NHLH2: variants seen among roughly 807,000 people sequenced by gnomAD.
NHLH2 encodes nescient helix-loop-helix 2, also known as helix-loop-helix protein 2.
NHLH2 carries 7 observed loss-of-function variants against 7.3 expected under a neutral mutation model. The ratio of observed to expected loss-of-function variants is 0.96; its 90% CI spans 0.55 to 1.81. The LOEUF (loss-of-function observed/expected upper bound fraction) is 1.81, where lower values mean the gene tolerates loss of function less well. NHLH2 is among the 40% of genes most tolerant of loss of function. The probability of loss-of-function intolerance (pLI) is 0.00; values close to 1 mark genes in which losing one functional copy is unlikely to be tolerated. For missense variants in NHLH2, 155 were observed against 194.0 expected (o/e 0.80, Z 1.19); for synonymous variants, 93 against 91.6 (o/e 1.01, Z -0.09).
At chr1:115,840,051 T>C (rs947388315) in intron 2 of NHLH2, 165 bp downstream of exon 2, 1 of 166,998 alleles carries the variant, frequency 6.0e-6, no homozygotes, top group African/African-American at 2.4e-5. Flanking sequence ...AGTTCCTGGG[T>C]TGCCCTCAAA....
chr1:115,834,087 A>T (rs1650812375), downstream of NHLH2, among the ~76,000 whole-genome samples: 1 of 151,800 alleles, frequency 6.6e-6, no homozygotes, highest in African/African-American at 2.4e-5. Context: ...TTTCCTCCTT[A>T]CCCATTCCTC....
At position 115,837,888 on chromosome 1, in the gene NHLH2, C is replaced by T. The variant is rs1570907405; in HGVS notation, c.*77G>A. On this transcript the variant is annotated 3_prime_UTR_variant, in exon 3 of 3. Transcript: ENST00000320238. ...GCTGGGCCACCGCAGCCTCCGCCAC[C>T]CGAGCGACGGCGCCCGTCCGGATCC... 6.8e-7 allele frequency: 1 copy of T among 1,481,004 alleles called. No individual in the cohort carries two copies. Among genetic ancestry groups the T allele is most frequent in the Non-Finnish European group, 9.0e-7 (1 of 1,112,230 alleles). 91.7% of individuals were successfully genotyped at this position (1,481,004 alleles called of 1,614,324 possible).
At chr1:115,832,222 C>T (rs958428937), downstream of NHLH2, among the ~76,000 whole-genome samples, 5 of 152,172 alleles carry the variant, frequency 3.3e-5, no homozygotes, top group African/African-American at 1.2e-4. Flanking sequence ...GCTTTCAGAC[C>T]TGTAGATAAC....
At chr1:115,835,159 T>C (rs960744061), downstream of NHLH2, among the ~76,000 whole-genome samples, 1 of 151,900 alleles carries the variant, frequency 6.6e-6, no homozygotes, top group Non-Finnish European at 1.5e-5. Context: ...TCTAGGGGAG[T>C]GTATCAGTAG....
At chr1:115,833,390 G>C (rs1318011295), downstream of NHLH2, among the ~76,000 whole-genome samples, 1 of 152,194 alleles carries the variant, frequency 6.6e-6, no homozygotes, top group Admixed American at 6.5e-5. Context: ...TTGGGCAGCT[G>C]TGTGTACTGC....
At chr1:115,833,282 C>T (rs532927297), downstream of NHLH2, among the ~76,000 whole-genome samples, 67 of 152,294 alleles carry the variant, frequency 4.4e-4, no homozygotes, top group African/African-American at 1.6e-3. Context: ...TAGAAAAATG[C>T]TCCCCTTCCT....
downstream of NHLH2, among the ~76,000 whole-genome samples, chr1:115,832,454 A>C (rs1243388313): frequency 6.6e-6 from 1 of 152,270 alleles, no homozygotes; most frequent in Non-Finnish European, 1.5e-5. Flanking sequence ...ATAAATACAA[A>C]GGTAATGAAA....
At chr1:115,835,586 G>A (rs1650848301), downstream of NHLH2, among the ~76,000 whole-genome samples, 1 of 152,152 alleles carries the variant, frequency 6.6e-6, no homozygotes, top group Non-Finnish European at 1.5e-5. Context: ...AAGACACCTG[G>A]GTGAAAAGTG....
In NHLH2 at chr1:115,837,482, G is replaced by A. The variant is rs1051831486; in HGVS notation, c.*483C>T. On this transcript the variant is annotated 3_prime_UTR_variant, in exon 3 of 3. Transcript: ENST00000320238. ...CCTTTCTGTGCCTTCCATCTCTATG[G>A]GAGAGATCCCTCCTCTCTCCTCCTT... 6.2e-6 allele frequency: 1 copy of A among 160,724 alleles called. No homozygotes were observed. The highest frequency in any genetic ancestry group is 1.3e-5 in the Non-Finnish European group (1 of 74,270). The allele number at this position is 160,724 out of a possible 1,614,324, so 10.0% of individuals were successfully genotyped here.
intron 2 of NHLH2, 189 bp from the exon 3 acceptor site, chr1:115,838,569 C>G: frequency 1.9e-6 from 1 of 536,046 alleles, no homozygotes; most frequent in Non-Finnish European, 3.2e-6. Flanking sequence ...CCCTGCGCCT[C>G]GCCCTGGCGC....
At chr1:115,834,657 C>T (rs927800705), downstream of NHLH2, among the ~76,000 whole-genome samples, 1 of 152,206 alleles carries the variant, frequency 6.6e-6, no homozygotes, top group African/African-American at 2.4e-5. Context: ...TGCTACCCAG[C>T]ACCAGCACGT....
At position 115,840,425 on chromosome 1, in the gene NHLH2, T is replaced by C. The variant is rs539516812; in HGVS notation, c.-218A>G. Reference sequence around the variant, plus strand: ...TATGAATGATTGTTCACTTAGTTGATAGATTTTTTAAAAAACGCTTTTTCC... The same window carrying C: ...TATGAATGATTGTTCACTTAGTTGACAGATTTTTTAAAAAACGCTTTTTCC... On this transcript the variant is annotated 5_prime_UTR_variant, in exon 2 of 3. Coordinates refer to ENST00000320238, the MANE Select transcript of NHLH2 (RefSeq NM_005599.3). 6.0e-6 allele frequency: 1 copy of C among 167,092 alleles called. No individual in the cohort carries two copies. Among genetic ancestry groups the C allele is most frequent in the East Asian group, 1.9e-4 (1 of 5,190 alleles). 10.4% of individuals were successfully genotyped at this position (167,092 alleles called of 1,614,324 possible). A position where few individuals can be genotyped will look rare whatever the true frequency, so the allele number is the denominator to read the frequency against.
At chr1:115,831,657 G>A (rs1028586944), downstream of NHLH2, among the ~76,000 whole-genome samples, 1 of 135,772 alleles carries the variant, frequency 7.4e-6, no homozygotes, top group South Asian at 2.7e-4. Context: ...GGTGGCTCAC[G>A]CCTGTAATCC....
At chr1:115,838,807 T>C (rs1050201115) in intron 2 of NHLH2, 4 of 178,854 alleles carry the variant, frequency 2.2e-5, no homozygotes, top group African/African-American at 4.8e-5. Flanking sequence ...AACGAATACA[T>C]CTGGGTTTTC....
Position 115,838,221 on chromosome 1 carries a change from C to G in NHLH2, c.152G>C (p.Gly51Ala). 2 of 1,557,492 alleles carry G rather than the reference C, an allele frequency of 1.3e-6. No homozygotes were observed. ...GTGCGGGTAGAGCGCGGCTCGGCTG[C>G]CGCCCTTGCCGTCGCCCTCGGCCTC... ...VEEAEGDGKG[G>A]SRAALYPHPQ... The change falls in exon 3 of 3, where the codon GGC becomes GCC. Residue 51 changes from glycine (G) to alanine (A), a missense_variant. Gly to Ala is a moderately conservative substitution (Grantham distance 60). This residue lies in a region of NHLH2 where 91 missense variants were observed against 86.6 expected (regional missense o/e 1.05). Coordinates refer to ENST00000320238, the MANE Select transcript of NHLH2 (RefSeq NM_005599.3).
chr1:115,831,864 G>A (rs1425334458), downstream of NHLH2, among the ~76,000 whole-genome samples: 1 of 151,144 alleles, frequency 6.6e-6, no homozygotes, highest in Non-Finnish European at 1.5e-5. Context: ...GGAGGTTGCA[G>A]TGAGCCAAGA....
Position 115,836,697 on chromosome 1 carries a change from A to T in NHLH2, c.*1268T>A, listed in dbSNP as rs1407372651. On this transcript the variant is annotated 3_prime_UTR_variant, in exon 3 of 3. Transcript: ENST00000320238. ...TCTTTTTTTCTTTTTTTTTTAGGAA[A>T]ATAACTTAATTTGCTAAATTCATCA... 1 of 152,382 alleles carries T rather than the reference A, an allele frequency of 6.6e-6. No individual in the cohort carries two copies. Among genetic ancestry groups the T allele is most frequent in the East Asian group, 1.9e-4 (1 of 5,196 alleles). The allele number at this position is 152,382 out of a possible 1,614,324, so 9.4% of individuals were successfully genotyped here. A position where few individuals can be genotyped will look rare whatever the true frequency, so the allele number is the denominator to read the frequency against.
chr1:115,831,685 TAG>T (rs68014038), downstream of NHLH2, among the ~76,000 whole-genome samples: 11,963 of 31,286 alleles, frequency 0.38, 521 homozygotes, highest in Middle Eastern at 0.53. Flanking sequence ...TTGAAAGGCC[TAG>T]GGGGGGGCGG....
In NHLH2 at chr1:115,836,402, C is replaced by T. The variant is rs1311972884; in HGVS notation, c.*1563G>A. The T allele has an allele frequency of 2.0e-5, 3 of 152,416 alleles. No homozygotes were observed. The highest frequency in any genetic ancestry group is 6.6e-5 in the Admixed American group (1 of 15,260). 9.4% of individuals were successfully genotyped at this position (152,416 alleles called of 1,614,324 possible). A position where few individuals can be genotyped will look rare whatever the true frequency, so the allele number is the denominator to read the frequency against. On this transcript the variant is annotated 3_prime_UTR_variant, in exon 3 of 3. Coordinates refer to ENST00000320238, the MANE Select transcript of NHLH2 (RefSeq NM_005599.3). ...TTTATTTGATACCTTTATTTATATG[C>T]AAAACAGCGCACCATTCATGAGATA...
Sources: gnomAD v4.1 joint callset for allele counts (sites outside exome capture counted in the v4.1 genomes callset) on GRCh38, gnomAD v4.1.1 for gene constraint, gnomAD v4.1.1 regional missense constraint, MANE v1.5 for transcripts, NCBI Gene and HGNC (gene_info 2026-07-23, HGNC 2026-07-21) for gene names.